RFC4: variants seen among roughly 807,000 people sequenced by gnomAD.
RFC4 encodes the protein A1 37 kDa subunit.
Under a neutral mutation model 47.6 loss-of-function variants are expected in RFC4, and 38 were observed. That is an observed-to-expected ratio of 0.80 (90% CI 0.62 to 1.05). The LOEUF (loss-of-function observed/expected upper bound fraction) is 1.05, where lower values mean the gene tolerates loss of function less well. Among genes scored for constraint, RFC4 ranks in the 50% least tolerant of loss-of-function variants. The pLI is 0.00. For synonymous variants in RFC4, 164 were observed against 150.0 expected, an observed-to-expected ratio of 1.09 and a Z score of -0.68; for missense variants, 489 against 434.0, an observed-to-expected ratio of 1.13 and a Z score of -1.13.
chr3:186,799,587 C>A (rs188398870), intron 3 of RFC4, among the ~76,000 whole-genome samples: 1 of 152,080 alleles, frequency 6.6e-6, no homozygotes, highest in Non-Finnish European at 1.5e-5. Flanking sequence ...GTGGTGCATG[C>A]CTGTAGTCCC....
rs1240210711 is a variant in RFC4 at position 186,806,476 on chromosome 3, G to A, written c.-198C>T. On this transcript the variant is annotated 5_prime_UTR_variant, in exon 1 of 11. Transcript: ENST00000296273. ...CAGTTCCCGCCACGGAACGGCGGGCGAAAAGCAGGGCGGGAATACGCCGGT... is the reference window on the plus strand; with the variant it reads ...CAGTTCCCGCCACGGAACGGCGGGCAAAAAGCAGGGCGGGAATACGCCGGT... The A allele has an allele frequency of 6.6e-6, 1 of 152,264 alleles. No individual in the cohort carries two copies. The highest frequency in any genetic ancestry group is 2.4e-5 in the African/African-American group (1 of 41,470). The allele number at this position is 152,264 out of a possible 1,614,324, so 9.4% of individuals were successfully genotyped here.
intron 5 of RFC4, 64 bp downstream of exon 5, chr3:186,794,594 C>A (rs1197753223): frequency 8.0e-5 from 119 of 1,490,730 alleles, no homozygotes; most frequent in Non-Finnish European, 1.0e-4. Flanking sequence ...GGCTGAGGAG[C>A]GATGGCAGAA....
intron 3 of RFC4, among the ~76,000 whole-genome samples, chr3:186,799,718 C>CAA (rs142623795): frequency 0.019 from 2,846 of 148,282 alleles, 70 homozygotes; most frequent in African/African-American, 0.062. Context: ...GTCTCAATTA[C>CAA]AAAAAAAAAC....
chr3:186,795,955 AT>A (rs1722236204), intron 4 of RFC4, among the ~76,000 whole-genome samples: 1 of 152,122 alleles, frequency 6.6e-6, no homozygotes, highest in South Asian at 2.1e-4. Context: ...CTGTAGAGAA[AT>A]TTGAGAAATC....
rs1264060428 is a variant in RFC4, at chr3:186,790,496, C to G, written c.802-90G>C. Reference sequence around the variant, plus strand: ...CTGGCCCCCGTGCCCCCAGTCATTTCTGTTCCACACCTAAGTTCCATACTT... The same window carrying G: ...CTGGCCCCCGTGCCCCCAGTCATTTGTGTTCCACACCTAAGTTCCATACTT... On this transcript the variant is annotated intron_variant, in intron 8 of 10. Coordinates refer to ENST00000296273, the MANE Select transcript of RFC4 (RefSeq NM_002916.5). 3.4e-5 allele frequency: 30 copies of G among 870,292 alleles called. 1 individual carries two copies. The highest frequency in any genetic ancestry group is 2.4e-4 in the South Asian group (18 of 74,064). The allele number at this position is 870,292 out of a possible 1,614,324, so 53.9% of individuals were successfully genotyped here.
chr3:186,797,505 A>C (rs1175487585), intron 4 of RFC4, 30 bp downstream of exon 4: 1 of 1,494,112 alleles, frequency 6.7e-7, no homozygotes, highest in African/African-American at 1.4e-5. Context: ...AAATCTTTAA[A>C]AAAAGAAAAA....
chr3:186,792,041 T>C (rs550470739), intron 7 of RFC4, among the ~76,000 whole-genome samples, 191 bp from the exon 8 acceptor site: 1 of 152,208 alleles, frequency 6.6e-6, no homozygotes, highest in Non-Finnish European at 1.5e-5. Context: ...ATCTCTTGCT[T>C]CTGAAATAAA....
intron 2 of RFC4, 46 bp from the exon 3 acceptor site, chr3:186,801,241 T>G (rs1722345795): frequency 2.1e-6 from 3 of 1,405,694 alleles, no homozygotes; most frequent in African/African-American, 1.4e-5. Context: ...TATATTATAG[T>G]AGCCACAGAA....
intron 3 of RFC4, among the ~76,000 whole-genome samples, chr3:186,800,408 T>G (rs1215557516): frequency 1.3e-5 from 2 of 152,178 alleles, no homozygotes; most frequent in African/African-American, 4.8e-5. Flanking sequence ...CCAAAAGAAC[T>G]TCTAATTAAA....
At chr3:186,791,238 T>C (rs1579175694) in intron 8 of RFC4, 1 of 164,638 alleles carries the variant, frequency 6.1e-6, no homozygotes, top group East Asian at 1.6e-4. Context: ...ATCCCAGCAC[T>C]TTGGAAGGCT....
chr3:186,797,428 C>A, intron 4 of RFC4, 107 bp downstream of exon 4: 1 of 724,766 alleles, frequency 1.4e-6, no homozygotes, highest in Non-Finnish European at 2.4e-6. Context: ...AAATAGAAAA[C>A]TATCCTACAG....
At chr3:186,794,550 A>T (rs1233394871) in intron 5 of RFC4, 108 bp downstream of exon 5, 1 of 1,113,906 alleles carries the variant, frequency 9.0e-7, no homozygotes, top group African/African-American at 1.6e-5. Flanking sequence ...AAAAGTTGAC[A>T]ATTTGGCAGA....
chr3:186,805,086 T>C (rs566405426), intron 1 of RFC4, among the ~76,000 whole-genome samples: 5 of 152,338 alleles, frequency 3.3e-5, no homozygotes, highest in Middle Eastern at 6.8e-3. Context: ...TGGGCCTCCA[T>C]GGTTTCTTTC....
At position 186,796,405 on chromosome 3, in the gene RFC4, G is replaced by C. The variant is rs1722245466; in HGVS notation, c.290+1130C>G. ...AAAATTGCTGTCAAATAAAATATTA[G>C]GCACATAGCAGCTTCTCCCTTTGTC... On this transcript the variant is annotated intron_variant, in intron 4 of 10. Transcript: ENST00000296273. The surrounding 1 kb of genome is among the most constrained non-coding windows in gnomAD (Gnocchi z 4.2). 6.6e-6 allele frequency among the ~76,000 whole-genome samples: 1 copy of C among 151,996 alleles called. No homozygotes were observed. Among genetic ancestry groups the C allele is most frequent in the African/African-American group, 2.4e-5 (1 of 41,372 alleles).
intron 8 of RFC4, 190 bp downstream of exon 8, chr3:186,791,535 A>G: frequency 3.2e-6 from 2 of 624,564 alleles, no homozygotes. Flanking sequence ...TGTCTGTTAC[A>G]TGCCTGACAA....
intron 2 of RFC4, among the ~76,000 whole-genome samples, chr3:186,803,371 A>C (rs997890202): frequency 2.6e-5 from 4 of 152,076 alleles, no homozygotes; most frequent in African/African-American, 9.7e-5. Context: ...AAAGGCAAGC[A>C]AAAAACAAAA....
At chr3:186,804,984 A>T (rs1722445720) in intron 1 of RFC4, 2 of 321,250 alleles carry the variant, frequency 6.2e-6, no homozygotes, top group African/African-American at 4.2e-5. Context: ...TTTCTAGTGC[A>T]GGAGTTATAG....
rs561935185 is a variant in RFC4, at chr3:186,791,611, T to C, written c.801+114A>G. On this transcript the variant is annotated intron_variant, in intron 8 of 10. Coordinates refer to ENST00000296273, the MANE Select transcript of RFC4 (RefSeq NM_002916.5). ...ATACTCCCAGGTTATTCCCTTATAC[T>C]TCCTAGTGCAGTACTTGGCACTTGC... 204 of 896,472 alleles carry C rather than the reference T, an allele frequency of 2.3e-4. No homozygotes were observed. The African/African-American group carries it at 2.9e-3, about 13-fold the overall frequency. 55.5% of individuals were successfully genotyped at this position (896,472 alleles called of 1,614,324 possible). A position where few individuals can be genotyped will look rare whatever the true frequency, so the allele number is the denominator to read the frequency against.
intron 3 of RFC4, 102 bp from the exon 4 acceptor site, chr3:186,797,716 T>G: frequency 2.8e-6 from 2 of 707,536 alleles, no homozygotes; most frequent in Non-Finnish European, 2.4e-6. Flanking sequence ...ATGACTTCTC[T>G]AATAGGGCAC....
Sources: gnomAD v4.1 joint callset for allele counts (sites outside exome capture counted in the v4.1 genomes callset) on GRCh38, gnomAD v4.1.1 for gene constraint, Gnocchi (gnomAD v3.1) non-coding constraint, MANE v1.5 for transcripts, NCBI Gene and HGNC (gene_info 2026-07-23, HGNC 2026-07-21) for gene names.